Variants in ACACB observed in about 807,000 individuals in gnomAD.
ACACB encodes acetyl-CoA carboxylase 2.
ACACB carries 209 observed loss-of-function variants against 278.8 expected under a neutral mutation model. The observed-to-expected ratio is 0.75, with a 90% CI of 0.67 to 0.84. The LOEUF is 0.84. Among genes scored for constraint, ACACB ranks in the 40% least tolerant of loss-of-function variants. The pLI is 0.00. For missense variants in ACACB, 2,850 were observed against 3,269.0 expected, an observed-to-expected ratio of 0.87 and a Z score of 3.13; for synonymous variants, 1,174 against 1,285.6, an observed-to-expected ratio of 0.91 and a Z score of 1.86.
chr12:109,175,853 G>C, intron 7 of ACACB, 78 bp from the exon 8 acceptor site: 1 of 1,248,956 alleles, frequency 8.0e-7, no homozygotes, highest in Non-Finnish European at 1.2e-6. Context: ...ATGTCAGCAG[G>C]GAGAGGCGCT....
chr12:109,149,791 G>A (rs999658243), intron 2 of ACACB, among the ~76,000 whole-genome samples: 11 of 152,174 alleles, frequency 7.2e-5, no homozygotes, highest in Admixed American at 3.9e-4. Flanking sequence ...ATGCAAAGAT[G>A]GTGAGATACA....
chr12:109,238,116 C>T (rs757593184), intron 34 of ACACB, among the ~76,000 whole-genome samples: 2 of 150,838 alleles, frequency 1.3e-5, no homozygotes, highest in Non-Finnish European at 2.9e-5. Flanking sequence ...GCGCAAGGAC[C>T]GAGAATCCTG....
chr12:109,176,071 G>A, intron 8 of ACACB, 31 bp downstream of exon 8: 1 of 1,612,772 alleles, frequency 6.2e-7, no homozygotes, highest in Non-Finnish European at 8.5e-7. Flanking sequence ...GGCCAGGGGA[G>A]CCAGAACCGA....
At chr12:109,246,934 C>A (rs1324931134) in intron 39 of ACACB, among the ~76,000 whole-genome samples, 2 of 152,126 alleles carry the variant, frequency 1.3e-5, no homozygotes, top group East Asian at 1.9e-4. Flanking sequence ...ACTAGGTGAG[C>A]ATGATGGTGC....
At chr12:109,261,553 G>A (rs955661899) in intron 48 of ACACB, among the ~76,000 whole-genome samples, 2 of 152,080 alleles carry the variant, frequency 1.3e-5, no homozygotes, top group Non-Finnish European at 2.9e-5. Flanking sequence ...AGGGGGCAGG[G>A]GGAGAATAAG....
At chr12:109,216,220 T>TC (rs1491379069) in intron 22 of ACACB, among the ~76,000 whole-genome samples, 18 of 113,208 alleles carry the variant, frequency 1.6e-4, no homozygotes, top group South Asian at 5.9e-4. Flanking sequence ...TCTCTCTCTC[T>TC]TTTTTTTTTT....
intron 18 of ACACB, 116 bp from the exon 19 acceptor site, chr12:109,201,451 C>A: frequency 8.0e-7 from 1 of 1,244,080 alleles, no homozygotes; most frequent in Non-Finnish European, 1.1e-6. Flanking sequence ...GGGAGTCATT[C>A]TGGCGCGTCC....
At chr12:109,129,033 A>C (rs760656713) in intron 1 of ACACB, among the ~76,000 whole-genome samples, 20 of 151,754 alleles carry the variant, frequency 1.3e-4, no homozygotes, top group Admixed American at 5.2e-4. Flanking sequence ...TAATCCCAAC[A>C]CTTTGGGAGG....
Position 109,171,922 on chromosome 12 carries a change from G to C in ACACB, c.1035+8G>C. The C allele has an allele frequency of 6.2e-7, 1 of 1,610,758 alleles. No homozygotes were observed. The highest frequency in any genetic ancestry group is 2.2e-5 in the East Asian group (1 of 44,856). On this transcript the variant is annotated splice_region_variant and intron_variant, in intron 5 of 52. Coordinates refer to ENST00000338432, the MANE Select transcript of ACACB (RefSeq NM_001093.4). ...AAGAGAATCCCCGTGCAGGTAGATG[G>C]ACTGGGGTGCCCAAGTGTGGCCCCT...
At chr12:109,199,576 G>A in intron 18 of ACACB, 24 bp downstream of exon 18, 1 of 1,414,094 alleles carries the variant, frequency 7.1e-7, no homozygotes, top group Non-Finnish European at 9.3e-7. Context: ...CGGCCGTGGG[G>A]AATCCTGAAC....
At chr12:109,144,228 G>T (rs140953867) in intron 2 of ACACB, among the ~76,000 whole-genome samples, 1 of 152,058 alleles carries the variant, frequency 6.6e-6, no homozygotes, top group Admixed American at 6.6e-5. Context: ...TGGGAGAATC[G>T]CCTGAACTCA....
chr12:109,259,178 G>A, intron 47 of ACACB, 70 bp downstream of exon 47: 1 of 1,542,262 alleles, frequency 6.5e-7, no homozygotes, highest in Non-Finnish European at 8.9e-7. Context: ...CCTCTGGGTG[G>A]TGATGCTAAT....
Position 109,168,017 on chromosome 12 carries a change from A to G in ACACB, c.908A>G (p.Asp303Gly), listed in dbSNP as rs774926883. Residue 303 changes from aspartate (D) to glycine (G), a missense_variant, in exon 4 of 53, where the codon GAC becomes GGC. This residue lies in a region of ACACB where 2,265 missense variants were observed against 2,561.3 expected (regional missense o/e 0.88). Transcript: ENST00000338432. ...TTTGTTGTGATGGTGACCCCCGAGG[A>G]CCTTAAGGCCAACGCAGGTACCTGG... ...IRFVVMVTPE[D>G]LKANAEYIKM... 25 of 1,611,404 alleles carry G rather than the reference A, an allele frequency of 1.6e-5. No individual in the cohort carries two copies. Among genetic ancestry groups the G allele is most frequent in the Non-Finnish European group, 2.0e-5 (24 of 1,178,674 alleles).
intron 19 of ACACB, among the ~76,000 whole-genome samples, chr12:109,204,320 G>A (rs1235055499): frequency 7.0e-6 from 1 of 143,884 alleles, no homozygotes; most frequent in Admixed American, 7.3e-5. Context: ...TGTCGCCCAG[G>A]CTGGAGTGCA....
chr12:109,230,518 G>A (rs566675390), intron 28 of ACACB, among the ~76,000 whole-genome samples: 2 of 152,314 alleles, frequency 1.3e-5, no homozygotes, highest in African/African-American at 4.8e-5. Flanking sequence ...GAACTCCTGG[G>A]CTCATGTGAT....
chr12:109,139,882 G>A lies in ACACB; in HGVS notation c.477G>A (p.Arg159=). ...KEDKKQANIK[R]QLMTNFILGS... ...ACAAGAAGCAGGCAAACATCAAGAG[G>A]CAGCTGATGACCAACTTCATCCTGG... is the stretch of plus-strand genomic sequence containing the variant. Residue 159 remains arginine, a synonymous_variant, in exon 2 of 53, where the codon AGG becomes AGA. Coordinates refer to ENST00000338432, the MANE Select transcript of ACACB (RefSeq NM_001093.4). 1 of 1,614,218 alleles carries A rather than the reference G, an allele frequency of 6.2e-7. No individual in the cohort carries two copies. Among genetic ancestry groups the A allele is most frequent in the Non-Finnish European group, 8.5e-7 (1 of 1,180,038 alleles).
Position 109,232,813 on chromosome 12 carries a change from A to T in ACACB, c.4139+7A>T. 6.2e-7 allele frequency: 1 copy of T among 1,614,096 alleles called. No homozygotes were observed. Among genetic ancestry groups the T allele is most frequent in the Non-Finnish European group, 8.5e-7 (1 of 1,179,990 alleles). Reference sequence around the variant, plus strand: ...GATTCGAGGACTTCACCAGGTACCCAGCATGGCCCGGTCTCCAACACCCTG... The same window carrying T: ...GATTCGAGGACTTCACCAGGTACCCTGCATGGCCCGGTCTCCAACACCCTG... On this transcript the variant is annotated splice_region_variant and intron_variant, in intron 29 of 52. Transcript: ENST00000338432.
chr12:109,210,531 GTA>G (rs1318720786), intron 21 of ACACB, among the ~76,000 whole-genome samples: 1 of 147,432 alleles, frequency 6.8e-6, no homozygotes, highest in African/African-American at 2.5e-5. Context: ...GTGTATATGT[GTA>G]TATATACGTG....
At chr12:109,158,494 T>G (rs965872574) in intron 2 of ACACB, among the ~76,000 whole-genome samples, 1 of 151,952 alleles carries the variant, frequency 6.6e-6, no homozygotes, top group Non-Finnish European at 1.5e-5. Context: ...CTGGGCAACA[T>G]GATGAAACCC....
Sources: gnomAD v4.1 joint callset for allele counts (sites outside exome capture counted in the v4.1 genomes callset) on GRCh38, gnomAD v4.1.1 for gene constraint, gnomAD v4.1.1 regional missense constraint, MANE v1.5 for transcripts, NCBI Gene and HGNC (gene_info 2026-07-23, HGNC 2026-07-21) for gene names.